LTBP4: variants seen among roughly 807,000 people sequenced by gnomAD.
LTBP4 encodes the protein latent-transforming growth factor beta-binding protein 4.
Under a neutral mutation model 180.2 loss-of-function variants are expected in LTBP4, and 93 were observed. That is an observed-to-expected ratio of 0.52 (90% CI 0.44 to 0.61). LTBP4 has a LOEUF of 0.61. Ranked by LOEUF, LTBP4 falls within the 20% of genes least tolerant of loss-of-function variation. The pLI is 0.00. For synonymous variants in LTBP4, 947 were observed against 934.5 expected (o/e 1.01, Z -0.24); for missense variants, 2,116 against 2,256.5 (o/e 0.94, Z 1.26).
chr19:40,629,488 C>T lies in LTBP4; in HGVS notation c.4612C>T (p.Arg1538Cys), dbSNP rs1245447833. The change falls in exon 30 of 30, where the codon CGC becomes TGC. Residue 1538 changes from arginine to cysteine, a missense_variant. This residue lies in a region of LTBP4 where 488 missense variants were observed against 458.8 expected (regional missense o/e 1.06). Transcript: ENST00000396819. This position sits in a 1 kb window ranked among gnomAD's most constrained non-coding sequence, Gnocchi z 4.5. ...GGATGGCTCCTTCCGCTGCATCTGC[C>T]GCCCGGGATTCGCACCCACGCACCA... Reference protein sequence around the residue: ...NTDGSFRCICRPGFAPTHQPH... With the variant: ...NTDGSFRCICCPGFAPTHQPH... The T allele has an allele frequency of 5.6e-6, 9 of 1,606,802 alleles. No homozygotes were observed. The highest frequency in any genetic ancestry group is 2.2e-5 in the East Asian group (1 of 44,542).
Position 40,629,493 on chromosome 19 carries a change from GGGA to G in LTBP4, c.4618_4620del (p.Gly1540del). On this transcript the variant is annotated inframe_deletion, in exon 30 of 30. Coordinates refer to ENST00000396819, the MANE Select transcript of LTBP4 (RefSeq NM_001042545.2). The surrounding 1 kb of genome is among the most constrained non-coding windows in gnomAD (Gnocchi z 4.5). ...GCTCCTTCCGCTGCATCTGCCGCCC[GGGA>G]TTCGCACCCACGCACCAGCCGCACC... 6.2e-7 allele frequency: 1 copy of G among 1,606,046 alleles called. No individual in the cohort carries two copies. Among genetic ancestry groups the G allele is most frequent in the African/African-American group, 1.3e-5 (1 of 74,752 alleles).
rs775582539 is a variant in LTBP4, at chr19:40,611,342, C to T, written c.2001C>T (p.His667=). Residue 667 remains histidine, a synonymous_variant, in exon 13 of 30, where the codon CAC becomes CAT. Coordinates refer to ENST00000396819, the MANE Select transcript of LTBP4 (RefSeq NM_001042545.2). This position sits in a 1 kb window ranked among gnomAD's most constrained non-coding sequence, Gnocchi z 4.4. ...GRCDNTAGSF[H]CACPAGFRSR... ...GTGACAACACGGCAGGCTCCTTTCACTGTGCCTGCCCTGCTGGCTTCCGCT... is the reference window on the plus strand; with the variant it reads ...GTGACAACACGGCAGGCTCCTTTCATTGTGCCTGCCCTGCTGGCTTCCGCT... The T allele has an allele frequency of 1.2e-6, 2 of 1,611,336 alleles. No homozygotes were observed. Among genetic ancestry groups the T allele is most frequent in the Non-Finnish European group, 1.7e-6 (2 of 1,179,472 alleles).
intron 7 of LTBP4, among the ~76,000 whole-genome samples, chr19:40,608,008 C>T (rs922328028): frequency 2.6e-5 from 4 of 152,244 alleles, no homozygotes; most frequent in Non-Finnish European, 5.9e-5. Context: ...GTTCCTACCA[C>T]CATCCCAAAT....
rs1396750274 is a variant in LTBP4, at chr19:40,614,380, G to A, written c.2746G>A (p.Gly916Ser). ...GTCGCAGCGCTGTGAGAACTCTCCC[G>A]GCTCCTACCGCTGTGTCCGGGACTG... ...CGSQRCENSP[G>S]SYRCVRDCDP... The change falls in exon 19 of 30, where the codon GGC becomes AGC. Residue 916 changes from glycine (G) to serine (S), a missense_variant. By Grantham distance (56) the Gly-to-Ser change is moderately conservative (BLOSUM62 0). This residue lies in a region of LTBP4 where 877 missense variants were observed against 873.6 expected (regional missense o/e 1.00). Transcript: ENST00000396819. The A allele has an allele frequency of 2.5e-6, 4 of 1,600,460 alleles. No homozygotes were observed. Among genetic ancestry groups the A allele is most frequent in the Non-Finnish European group, 3.4e-6 (4 of 1,179,798 alleles).
chr19:40,623,871 G>A (rs2081604955), intron 25 of LTBP4, 65 bp from the exon 26 acceptor site: 1 of 1,603,514 alleles, frequency 6.2e-7, no homozygotes, highest in Non-Finnish European at 8.5e-7. Flanking sequence ...CCAATGTGCT[G>A]GGAAGAGAAA....
Position 40,627,237 on chromosome 19 carries a change from T to A in LTBP4, c.4248T>A (p.Tyr1416Ter). Residue 1416 changes from tyrosine (Y) to a stop codon, truncating the protein, a stop_gained, in exon 28 of 30, where the codon TAT becomes TAA. Transcript: ENST00000396819. LOFTEE classifies it high-confidence loss of function. ...ACTTTGAGGACGATGGTGGCCCCTA[T>A]GGCGAATCTGAGGCTCCTGCGCCAC... ...MPDFEDDGGP[Y>*]GESEAPAPPG... 6.3e-7 allele frequency: 1 copy of A among 1,599,274 alleles called. No individual in the cohort carries two copies. Among genetic ancestry groups the A allele is most frequent in the South Asian group, 1.1e-5 (1 of 89,156 alleles).
In LTBP4 at chr19:40,622,103, G is replaced by A. The variant is rs1223451754; in HGVS notation, c.3218-298G>A. On this transcript the variant is annotated intron_variant, in intron 22 of 29. Coordinates refer to ENST00000396819, the MANE Select transcript of LTBP4 (RefSeq NM_001042545.2). This position sits in a 1 kb window ranked among gnomAD's most constrained non-coding sequence, Gnocchi z 5.1. Reference sequence around the variant, plus strand: ...AGCCAGTTTGCCACACACTGGATAAGAGACCCAGAGAGGCATCCAGGAAGC... The same window carrying A: ...AGCCAGTTTGCCACACACTGGATAAAAGACCCAGAGAGGCATCCAGGAAGC... Among the ~76,000 whole-genome samples the A allele has an allele frequency of 1.3e-5, 2 of 152,162 alleles. No individual in the cohort carries two copies. Among genetic ancestry groups the A allele is most frequent in the Non-Finnish European group, 2.9e-5 (2 of 68,038 alleles).
chr19:40,617,643 CAAAAAAAAAAA>C (rs56053315), intron 21 of LTBP4, among the ~76,000 whole-genome samples: 3,188 of 118,750 alleles, frequency 0.027, 61 homozygotes, highest in Middle Eastern at 0.061. Flanking sequence ...GACCCTGTCT[CAAAAAAAAAAA>C]AAAAAAAAAA....
chr19:40,627,414 G>A, intron 28 of LTBP4, 59 bp downstream of exon 28: 1 of 1,445,920 alleles, frequency 6.9e-7, no homozygotes. Context: ...CACGGAGAGA[G>A]GAGGGAGGGA....
At chr19:40,623,913 C>T in intron 25 of LTBP4, 23 bp from the exon 26 acceptor site, 1 of 1,612,934 alleles carries the variant, frequency 6.2e-7, no homozygotes, top group Non-Finnish European at 8.5e-7. Context: ...GAAGGGGATG[C>T]CTCTTAATCA....
chr19:40,612,036 C>A (rs2081511064), intron 14 of LTBP4, 37 bp from the exon 15 acceptor site: 2 of 1,611,978 alleles, frequency 1.2e-6, no homozygotes, highest in Non-Finnish European at 1.7e-6. Flanking sequence ...GGGAGTTGGA[C>A]CACTTCTTCA....
rs757522134 is a variant in LTBP4 at position 40,612,134 on chromosome 19, C to T, written c.2241C>T (p.Gly747=). ...GGCAGGAGTGTGTGAACTCGCCCGG[C>T]TCCTTCCAGTGCAGGACCTGTCCTT... The part of the protein sequence containing the change: ...CPGQECVNSP[G]SFQCRTCPSG... Residue 747 remains glycine, a synonymous_variant, in exon 15 of 30, where the codon GGC becomes GGT. Transcript: ENST00000396819. 2 of 1,613,374 alleles carry T rather than the reference C, an allele frequency of 1.2e-6. No homozygotes were observed. Among genetic ancestry groups the T allele is most frequent in the Non-Finnish European group, 1.7e-6 (2 of 1,179,668 alleles).
At chr19:40,616,610 G>A (rs2146036934) in intron 19 of LTBP4, among the ~76,000 whole-genome samples, 1 of 152,306 alleles carries the variant, frequency 6.6e-6, no homozygotes, top group South Asian at 2.1e-4. Context: ...GTGCATGCCT[G>A]TAGTCCCAGC....
At chr19:40,600,742 C>G (rs1244744280), upstream of LTBP4, among the ~76,000 whole-genome samples, 1 of 152,128 alleles carries the variant, frequency 6.6e-6, no homozygotes, top group Non-Finnish European at 1.5e-5. This position sits in a 1 kb window ranked among gnomAD's most constrained non-coding sequence, Gnocchi z 4.4. Context: ...ATGTTAGTAC[C>G]CCCGCCCACA....
upstream of LTBP4, chr19:40,601,280 G>A (rs1243149482): frequency 3.5e-6 from 3 of 863,706 alleles, no homozygotes; most frequent in African/African-American, 3.7e-5. Context: ...GAGGAGGGGG[G>A]GCCTGAGCGG....
rs892942801 is a variant in LTBP4, at chr19:40,606,240, CGAAA to C, written c.804_807del (p.Arg269Ter). On this transcript the variant is annotated frameshift_variant, in exon 5 of 30. Transcript: ENST00000396819. LOFTEE classifies it high-confidence loss of function. Reference sequence around the variant, plus strand: ...CCTCTCCTCTCGCCACAGGGAACTCCGAAAGAGTGAGCGCCCCAGATGGACCTTG... The same window carrying C: ...CCTCTCCTCTCGCCACAGGGAACTCCGAGTGAGCGCCCCAGATGGACCTTG... 1.3e-6 allele frequency: 2 copies of C among 1,588,586 alleles called. No homozygotes were observed. Among genetic ancestry groups the C allele is most frequent in the South Asian group, 1.1e-5 (1 of 86,990 alleles).
rs2146045382 is a variant in LTBP4, at chr19:40,623,626, C to T, written c.3579C>T (p.Phe1193=). ...LRRDVDECQL[F]RDQVCKSGVC... Reference sequence around the variant, plus strand: ...CAGACGTGGACGAATGTCAGCTCTTCCGAGACCAGGTGTGCAAGAGTGGCG... The same window carrying T: ...CAGACGTGGACGAATGTCAGCTCTTTCGAGACCAGGTGTGCAAGAGTGGCG... Residue 1193 remains phenylalanine (F), a synonymous_variant, in exon 25 of 30, where the codon TTC becomes TTT. Transcript: ENST00000396819. 1.9e-6 allele frequency: 3 copies of T among 1,613,726 alleles called. No individual in the cohort carries two copies. The highest frequency in any genetic ancestry group is 2.5e-6 in the Non-Finnish European group (3 of 1,179,842).
upstream of LTBP4, among the ~76,000 whole-genome samples, chr19:40,597,664 T>G (rs1447054532): frequency 2.8e-5 from 4 of 144,798 alleles, no homozygotes; most frequent in Admixed American, 6.9e-5. Flanking sequence ...GGGCAGGGGG[T>G]GGGGGGCTGA....
At chr19:40,607,620 A>C in intron 7 of LTBP4, 91 bp downstream of exon 7, 1 of 1,386,666 alleles carries the variant, frequency 7.2e-7, no homozygotes, top group Non-Finnish European at 9.6e-7. Flanking sequence ...CACTGCCCCA[A>C]CCTGACTGGC....
Sources: allele counts gnomAD v4.1 joint callset (sites outside exome capture counted in the v4.1 genomes callset), GRCh38; gene constraint gnomAD v4.1.1; regional missense constraint gnomAD v4.1.1; non-coding constraint Gnocchi (gnomAD v3.1); transcripts MANE v1.5; gene names NCBI Gene and HGNC (gene_info 2026-07-23, HGNC 2026-07-21).